ELFN1: variants seen among roughly 807,000 people sequenced by gnomAD.
The protein encoded by ELFN1 is extracellular leucine rich repeat and fibronectin type III domain containing 1.
Under a neutral mutation model 7.6 loss-of-function variants are expected in ELFN1, and 6 were observed. The ratio of observed to expected loss-of-function variants is 0.79; its 90% CI spans 0.43 to 1.56. ELFN1 has a LOEUF of 1.56. Among genes scored for constraint, ELFN1 ranks in the 40% most tolerant of loss-of-function variants. ELFN1 has a pLI of 0.01. For missense variants in ELFN1, 1,169 were observed against 1,232.2 expected, an observed-to-expected ratio of 0.95 and a Z score of 0.77; for synonymous variants, 657 against 588.1, an observed-to-expected ratio of 1.12 and a Z score of -1.70.
intron 1 of ELFN1, among the ~76,000 whole-genome samples, chr7:1,677,468 G>A (rs1212145662): frequency 2.0e-5 from 3 of 152,344 alleles, no homozygotes; most frequent in East Asian, 1.9e-4. Context: ...GCATGTTCAC[G>A]TGTGTGCGTG....
At chr7:1,711,575 TGAGAGAGAGAGAGAGA>T (rs55658122) in intron 3 of ELFN1, among the ~76,000 whole-genome samples, 302 of 87,580 alleles carry the variant, frequency 3.4e-3, no homozygotes, top group Middle Eastern at 0.01. Context: ...AGCGAGAGAG[TGAGAGAGAGAGAGAGA>T]GAGAGAGAGA....
intron 1 of ELFN1, among the ~76,000 whole-genome samples, chr7:1,674,641 G>A (rs534204643): frequency 6.6e-5 from 10 of 152,244 alleles, no homozygotes; most frequent in African/African-American, 1.7e-4. Flanking sequence ...TGACCCCCCC[G>A]CCCTCGACGT....
rs1349475974 is a variant in ELFN1, at chr7:1,740,144, C to T, written c.-293-4160C>T. On this transcript the variant is annotated intron_variant, in intron 3 of 3. Coordinates refer to ENST00000424383, the MANE Select transcript of ELFN1 (RefSeq NM_001128636.4). The surrounding 1 kb of genome is among the most constrained non-coding windows in gnomAD (Gnocchi z 5.0). Reference sequence around the variant, plus strand: ...GGAGGTATCAGACCTGAGGGGTGCCCATTCCAGAGGCGCCACGGCCTCTGT... The same window carrying T: ...GGAGGTATCAGACCTGAGGGGTGCCTATTCCAGAGGCGCCACGGCCTCTGT... 6.6e-6 allele frequency among the ~76,000 whole-genome samples: 1 copy of T among 152,164 alleles called. No homozygotes were observed. Among genetic ancestry groups the T allele is most frequent in the Middle Eastern group, 3.2e-3 (1 of 314 alleles).
At chr7:1,720,844 T>C (rs1185694546) in intron 3 of ELFN1, among the ~76,000 whole-genome samples, 7 of 149,698 alleles carry the variant, frequency 4.7e-5, no homozygotes, top group African/African-American at 1.2e-4. Context: ...GATTACTAAA[T>C]AGTGAGCATT....
intron 1 of ELFN1, among the ~76,000 whole-genome samples, chr7:1,685,292 T>G (rs1412202374): frequency 6.6e-6 from 1 of 152,202 alleles, no homozygotes; most frequent in Non-Finnish European, 1.5e-5. Context: ...TGGATTTTTC[T>G]TGTGTTCATC....
chr7:1,700,679 C>T (rs112433418), intron 2 of ELFN1, among the ~76,000 whole-genome samples: 3 of 152,328 alleles, frequency 2.0e-5, no homozygotes, highest in Admixed American at 6.5e-5. Flanking sequence ...GAACAGTCGC[C>T]GGCTCTTTCC....
rs139011991 is a variant in ELFN1 at position 1,747,790 on chromosome 7, T to C, written c.*707T>C. 3.0e-3 allele frequency: 499 copies of C among 165,824 alleles called. 3 individuals carry two copies. The highest frequency in any genetic ancestry group is 0.016 in the East Asian group (81 of 5,102). The allele number at this position is 165,824 out of a possible 1,614,324, so 10.3% of individuals were successfully genotyped here. ...GGCACGTCCCCCAGCCCAGCCCCCA[T>C]GTACACTGTAGTCGTTCTATTGTAC... On this transcript the variant is annotated 3_prime_UTR_variant, in exon 4 of 4. Coordinates refer to ENST00000424383, the MANE Select transcript of ELFN1 (RefSeq NM_001128636.4).
intron 3 of ELFN1, among the ~76,000 whole-genome samples, chr7:1,716,531 C>T (rs770383490): frequency 3.5e-4 from 53 of 152,212 alleles, no homozygotes; most frequent in Non-Finnish European, 3.2e-4. Context: ...CAGGCTGGCC[C>T]GGCTACATGC....
In ELFN1 at chr7:1,675,411, C is replaced by T. The variant is rs567993307; in HGVS notation, c.-549+5057C>T. Among the ~76,000 whole-genome samples the T allele has an allele frequency of 4.6e-5, 7 of 152,342 alleles. No individual in the cohort carries two copies. The East Asian group carries it at 5.8e-4, about 13-fold the overall frequency. Reference sequence around the variant, plus strand: ...TGGAGGCTGTTGGGTTGGGTCCAGGCGGAATCCTTCCTGGGATGGAAACCC... The same window carrying T: ...TGGAGGCTGTTGGGTTGGGTCCAGGTGGAATCCTTCCTGGGATGGAAACCC... On this transcript the variant is annotated intron_variant, in intron 1 of 3. Transcript: ENST00000424383.
At chr7:1,729,164 G>T (rs1780271711) in intron 3 of ELFN1, among the ~76,000 whole-genome samples, 1 of 152,196 alleles carries the variant, frequency 6.6e-6, no homozygotes, top group South Asian at 2.1e-4. Flanking sequence ...TTCTCCAGTG[G>T]ATTCTTAGAG....
At chr7:1,730,621 G>A (rs1780307183) in intron 3 of ELFN1, among the ~76,000 whole-genome samples, 1 of 152,236 alleles carries the variant, frequency 6.6e-6, no homozygotes, top group African/African-American at 2.4e-5. Context: ...ATAAAATCCA[G>A]TGCCAATTTC....
chr7:1,704,053 T>A (rs1476592709), intron 2 of ELFN1, among the ~76,000 whole-genome samples: 1 of 152,240 alleles, frequency 6.6e-6, no homozygotes, highest in African/African-American at 2.4e-5. Context: ...ATAATAAAGC[T>A]GGAGTTTCCA....
In ELFN1 at chr7:1,683,433, TC is replaced by T. The variant is rs1214802493; in HGVS notation, c.-548-4624del. 1.2e-4 allele frequency among the ~76,000 whole-genome samples: 18 copies of T among 152,366 alleles called. No homozygotes were observed. The South Asian group carries it at 3.7e-3, about 32-fold the overall frequency. On this transcript the variant is annotated intron_variant, in intron 1 of 3. Coordinates refer to ENST00000424383, the MANE Select transcript of ELFN1 (RefSeq NM_001128636.4). ...GTGTCTTTTTAGGAATTTGTTCACT[TC>T]ATCTAAATTAGGTCTAATCTGTTGG...
Position 1,705,687 on chromosome 7 carries a change from T to G in ELFN1, c.-455-3404T>G, listed in dbSNP as rs1036098569. Among the ~76,000 whole-genome samples, 1 of 152,248 alleles carries G rather than the reference T, an allele frequency of 6.6e-6. No individual in the cohort carries two copies. Among genetic ancestry groups the G allele is most frequent in the Non-Finnish European group, 1.5e-5 (1 of 68,034 alleles). ...CCTTTCTGGCCCTGCCCTTTCTGGC[T>G]CATGGCAATTCAGTGGATGGCTTTG... On this transcript the variant is annotated intron_variant, in intron 2 of 3. Transcript: ENST00000424383. The surrounding 1 kb of genome is among the most constrained non-coding windows in gnomAD (Gnocchi z 4.3).
intron 1 of ELFN1, among the ~76,000 whole-genome samples, chr7:1,687,605 G>A (rs1290569648): frequency 6.6e-6 from 1 of 152,090 alleles, no homozygotes; most frequent in Non-Finnish European, 1.5e-5. Context: ...ATTGAAAATG[G>A]ATGGTATATT....
Position 1,745,161 on chromosome 7 carries a change from A to T in ELFN1, c.565A>T (p.Ser189Cys). 1 of 1,549,798 alleles carries T rather than the reference A, an allele frequency of 6.5e-7. No homozygotes were observed. Among genetic ancestry groups the T allele is most frequent in the Non-Finnish European group, 8.7e-7 (1 of 1,146,964 alleles). ...LAKLSVCELYSNPFYCSCELL... is the reference protein window; with the variant it reads ...LAKLSVCELYCNPFYCSCELL... ...CAAGCTGTCGGTGTGCGAGCTCTAC[A>T]GCAACCCCTTCTACTGCTCCTGCGA... The change falls in exon 4 of 4, where the codon AGC becomes TGC. Residue 189 changes from serine (S) to cysteine (C), a missense_variant. This residue lies in a region of ELFN1 where 255 missense variants were observed against 359.6 expected (regional missense o/e 0.71). Coordinates refer to ENST00000424383, the MANE Select transcript of ELFN1 (RefSeq NM_001128636.4).
rs375849892 is a variant in ELFN1, at chr7:1,671,286, T to C, written c.-549+932T>C. On this transcript the variant is annotated intron_variant, in intron 1 of 3. Coordinates refer to ENST00000424383, the MANE Select transcript of ELFN1 (RefSeq NM_001128636.4). Reference sequence around the variant, plus strand: ...AGCCTCAGTTTCCACACCTGTGAAATGGGGCTAGGATGATCATGCCTTCTG... The same window carrying C: ...AGCCTCAGTTTCCACACCTGTGAAACGGGGCTAGGATGATCATGCCTTCTG... 5.3e-5 allele frequency among the ~76,000 whole-genome samples: 8 copies of C among 151,444 alleles called. No homozygotes were observed. In the South Asian group the frequency reaches 8.3e-4, roughly 16 times the overall value.
intron 2 of ELFN1, among the ~76,000 whole-genome samples, chr7:1,703,660 G>C (rs947810789): frequency 6.6e-6 from 1 of 152,166 alleles, no homozygotes; most frequent in Non-Finnish European, 1.5e-5. Context: ...GGTGCTGAGC[G>C]GGGGAGATTA....
chr7:1,746,181 C>T lies in ELFN1; in HGVS notation c.1585C>T (p.Arg529Ter). 1.9e-6 allele frequency: 3 copies of T among 1,550,012 alleles called. No individual in the cohort carries two copies. Among genetic ancestry groups the T allele is most frequent in the African/African-American group, 1.4e-5 (1 of 73,134 alleles). Reference sequence around the variant, plus strand: ...CAGCAAGGGCAGCTACATGGAGGTTCGAACCGGGGACCCTCCGGAACGCAG... The same window carrying T: ...CAGCAAGGGCAGCTACATGGAGGTTTGAACCGGGGACCCTCCGGAACGCAG... ...KASKGSYMEV[R>*]TGDPPERRDC... is the part of the protein sequence containing the mutation. Residue 529 changes from arginine (R) to a stop codon, truncating the protein, a stop_gained, in exon 4 of 4, where the codon CGA becomes TGA. Transcript: ENST00000424383. LOFTEE classifies it low-confidence loss of function (END_TRUNC).
Sources: gnomAD v4.1 joint callset for allele counts (sites outside exome capture counted in the v4.1 genomes callset) on GRCh38, gnomAD v4.1.1 for gene constraint, gnomAD v4.1.1 regional missense constraint, Gnocchi (gnomAD v3.1) non-coding constraint, MANE v1.5 for transcripts, NCBI Gene and HGNC (gene_info 2026-07-23, HGNC 2026-07-21) for gene names.